CAST: variants seen among roughly 807,000 people sequenced by gnomAD.
The protein encoded by CAST is calpastatin, also known as MIR583 host.
Under a neutral mutation model 119.6 loss-of-function variants are expected in CAST, and 76 were observed. The observed-to-expected ratio is 0.64, with a 90% CI of 0.53 to 0.77. The LOEUF is 0.77. CAST is among the 30% of genes least tolerant of loss of function. The pLI is 0.00. For synonymous variants in CAST, 319 were observed against 331.6 expected, an observed-to-expected ratio of 0.96 and a Z score of 0.41; for missense variants, 953 against 946.5, an observed-to-expected ratio of 1.01 and a Z score of -0.09.
At chr5:96,767,608 C>A in intron 28 of CAST, 126 bp downstream of exon 28, 2 of 705,254 alleles carry the variant, frequency 2.8e-6, no homozygotes, top group Admixed American at 2.5e-5. Flanking sequence ...TCAAAGCATG[C>A]ATATAAATGT....
chr5:96,085,217 T>A, the CAST span, among the ~76,000 whole-genome samples: 1 of 152,176 alleles, frequency 6.6e-6, no homozygotes, highest in Non-Finnish European at 1.5e-5. Flanking sequence ...GAATGTCTAC[T>A]GTCTATCAAT....
At chr5:96,514,159 T>C in the CAST span, among the ~76,000 whole-genome samples, 2 of 152,196 alleles carry the variant, frequency 1.3e-5, no homozygotes, top group African/African-American at 4.8e-5. Context: ...TTCTGAGGTA[T>C]TGGGGGCTAA....
At chr5:96,163,154 G>A in the CAST span, among the ~76,000 whole-genome samples, 1 of 152,116 alleles carries the variant, frequency 6.6e-6, no homozygotes, top group South Asian at 2.1e-4. Context: ...ATTTAATCTA[G>A]GATATCTCAT....
chr5:96,051,761 G>A, the CAST span, among the ~76,000 whole-genome samples: 6 of 152,126 alleles, frequency 3.9e-5, no homozygotes, highest in Non-Finnish European at 5.9e-5. Flanking sequence ...TAATGCCACC[G>A]TTCTTAGTAG....
At chr5:96,311,168 T>C in the CAST span, among the ~76,000 whole-genome samples, 1 of 152,146 alleles carries the variant, frequency 6.6e-6, no homozygotes, top group Admixed American at 6.5e-5. Flanking sequence ...AATTTCTCTT[T>C]TAATTTCTTT....
At chr5:96,540,997 C>A (rs1745902049) in intron 1 of CAST, among the ~76,000 whole-genome samples, 1 of 152,016 alleles carries the variant, frequency 6.6e-6, no homozygotes, top group South Asian at 2.1e-4. Flanking sequence ...TGAGGTTACC[C>A]TTTTTCCCCC....
In CAST at chr5:96,765,362, T is replaced by TA. The variant is rs11399505; in HGVS notation, c.2037+38dup. On this transcript the variant is annotated intron_variant, in intron 26 of 31. Transcript: ENST00000675179. ...AAAAAAAAAAAAAAAAATTCACTAA[T>TA]AGTGAAATTTTAATCCTTGGGTCTT... is the stretch of plus-strand genomic sequence containing the variant. 0.81 allele frequency: 599,560 copies of TA among 737,846 alleles called. 258,139 individuals are homozygous for TA. The highest frequency in any genetic ancestry group is 0.87 in the Admixed American group (31,558 of 36,102). The allele number at this position is 737,846 out of a possible 1,614,324, so 45.7% of individuals were successfully genotyped here.
chr5:96,394,016 C>G, the CAST span, among the ~76,000 whole-genome samples: 1 of 152,294 alleles, frequency 6.6e-6, no homozygotes, highest in South Asian at 2.1e-4. Context: ...GGACTCAGGT[C>G]CTGGAGGGAA....
the CAST span, among the ~76,000 whole-genome samples, chr5:96,238,338 T>A: frequency 0.013 from 597 of 45,064 alleles, 3 homozygotes; most frequent in Non-Finnish European, 0.019. Flanking sequence ...CTTCTTCTTC[T>A]TCTTCTTCAT....
the CAST span, among the ~76,000 whole-genome samples, chr5:96,107,204 G>C: frequency 7.9e-5 from 12 of 152,012 alleles, no homozygotes; most frequent in Non-Finnish European, 1.2e-4. Flanking sequence ...TTTTTAATTG[G>C]AGCATTTTGT....
the CAST span, among the ~76,000 whole-genome samples, chr5:96,401,200 TTAGAG>T: frequency 6.6e-6 from 1 of 151,952 alleles, no homozygotes; most frequent in African/African-American, 2.4e-5. Context: ...TTGTGGGAGT[TTAGAG>T]TAGAAAGAAT....
upstream of CAST, among the ~76,000 whole-genome samples, chr5:96,528,840 A>T (rs1462533042): frequency 6.6e-6 from 1 of 152,242 alleles, no homozygotes; most frequent in Non-Finnish European, 1.5e-5. Context: ...ATCCACAGTC[A>T]TGAATAGTAT....
chr5:96,210,415 A>G, the CAST span, among the ~76,000 whole-genome samples: 2 of 152,026 alleles, frequency 1.3e-5, no homozygotes, highest in Non-Finnish European at 2.9e-5. Context: ...GTAGATGTGC[A>G]ATTGCTCCAG....
the CAST span, among the ~76,000 whole-genome samples, chr5:96,273,289 C>T: frequency 6.6e-6 from 1 of 152,160 alleles, no homozygotes; most frequent in East Asian, 1.9e-4. Context: ...GAGAAGTCCT[C>T]CCCAGTTAGG....
At chr5:96,013,877 G>C in the CAST span, among the ~76,000 whole-genome samples, 3 of 152,222 alleles carry the variant, frequency 2.0e-5, no homozygotes, top group South Asian at 6.2e-4. Context: ...GTCAATAAGT[G>C]AATAGTGAGT....
chr5:96,763,971 A>G (rs1013910533), intron 25 of CAST, among the ~76,000 whole-genome samples: 6 of 152,050 alleles, frequency 3.9e-5, no homozygotes, highest in Non-Finnish European at 8.8e-5. Context: ...CTCAAAAAAA[A>G]AAAGCCTGCT....
the CAST span, among the ~76,000 whole-genome samples, chr5:96,228,346 C>G: frequency 1.3e-5 from 2 of 152,162 alleles, no homozygotes. Flanking sequence ...AATTAATACA[C>G]CCTGAAAGAT....
chr5:96,277,665 G>T, the CAST span, among the ~76,000 whole-genome samples: 3 of 152,058 alleles, frequency 2.0e-5, no homozygotes, highest in African/African-American at 7.3e-5. Context: ...TATCAGTGTG[G>T]AGAAGAGAGG....
chr5:96,340,057 G>T, the CAST span, among the ~76,000 whole-genome samples: 1 of 152,136 alleles, frequency 6.6e-6, no homozygotes, highest in African/African-American at 2.4e-5. Flanking sequence ...TATGGTAATC[G>T]GACAGGAAAC....
Sources: allele counts gnomAD v4.1 joint callset (sites outside exome capture counted in the v4.1 genomes callset), GRCh38; gene constraint gnomAD v4.1.1; transcripts MANE v1.5; gene names NCBI Gene and HGNC (gene_info 2026-07-23, HGNC 2026-07-21).